Variants in PAPPA observed in about 807,000 individuals in gnomAD.
PAPPA encodes pappalysin-1.
PAPPA carries 60 observed loss-of-function variants against 164.0 expected under a neutral mutation model. The observed-to-expected ratio is 0.37, with a 90% CI of 0.30 to 0.45. The LOEUF is 0.45. Ranked by LOEUF, PAPPA falls within the 20% of genes least tolerant of loss-of-function variation. PAPPA has a pLI of 1.00. For synonymous variants in PAPPA, 875 were observed against 814.1 expected (o/e 1.07, Z -1.27); for missense variants, 1,782 against 2,087.3 (o/e 0.85, Z 2.85).
chr9:116,213,849 G>A (rs1018085932), intron 4 of PAPPA, among the ~76,000 whole-genome samples: 5 of 152,140 alleles, frequency 3.3e-5, no homozygotes, highest in Non-Finnish European at 7.3e-5. Flanking sequence ...TTTTCCTTGG[G>A]ATTTCTGATA....
intron 21 of PAPPA, among the ~76,000 whole-genome samples, chr9:116,383,986 C>T (rs959468973): frequency 6.6e-6 from 1 of 151,972 alleles, no homozygotes; most frequent in African/African-American, 2.4e-5. Context: ...AAAACCACTG[C>T]TTTTTATTTT....
chr9:116,207,337 T>G, intron 2 of PAPPA, 119 bp from the exon 3 acceptor site: 1 of 674,184 alleles, frequency 1.5e-6, no homozygotes, highest in East Asian at 2.7e-5. Context: ...TTCAATAAGG[T>G]AGTATTTTTA....
intron 18 of PAPPA, among the ~76,000 whole-genome samples, chr9:116,364,937 G>C (rs528930794): frequency 2.0e-5 from 3 of 152,314 alleles, no homozygotes; most frequent in Non-Finnish European, 4.4e-5. Context: ...CAGGGCAGAT[G>C]ATGAGTGCAT....
intron 10 of PAPPA, among the ~76,000 whole-genome samples, chr9:116,322,914 G>A (rs572749775): frequency 5.3e-5 from 8 of 152,158 alleles, no homozygotes; most frequent in East Asian, 1.9e-4. Flanking sequence ...AGGCTCATTC[G>A]CAGGTCCCTT....
chr9:116,384,131 C>T (rs1042666513), intron 21 of PAPPA, among the ~76,000 whole-genome samples: 1 of 151,978 alleles, frequency 6.6e-6, no homozygotes, highest in Admixed American at 6.6e-5. Flanking sequence ...ATCTTAGACA[C>T]AAGAATTACT....
chr9:116,272,562 C>G (rs143400831), intron 9 of PAPPA, among the ~76,000 whole-genome samples: 1 of 152,312 alleles, frequency 6.6e-6, no homozygotes, highest in East Asian at 1.9e-4. Context: ...ATTTGTTGAG[C>G]ACCTACTATC....
intron 5 of PAPPA, among the ~76,000 whole-genome samples, chr9:116,225,590 T>G (rs1844496567): frequency 6.6e-6 from 1 of 152,228 alleles, no homozygotes. Flanking sequence ...TATTTATAAA[T>G]ATTTCTGCAA....
chr9:116,175,462 C>T (rs191472233), intron 1 of PAPPA, among the ~76,000 whole-genome samples: 24 of 152,204 alleles, frequency 1.6e-4, no homozygotes, highest in East Asian at 9.6e-4. Context: ...ATAATGTATA[C>T]GTATTTCATA....
chr9:116,330,968 A>G (rs997010051), intron 10 of PAPPA, among the ~76,000 whole-genome samples: 2 of 152,078 alleles, frequency 1.3e-5, no homozygotes, highest in African/African-American at 4.8e-5. Flanking sequence ...CCAGGCCCAA[A>G]TCAAATAACA....
At chr9:116,342,320 G>GTAC (rs1421857537) in intron 13 of PAPPA, among the ~76,000 whole-genome samples, 2 of 152,180 alleles carry the variant, frequency 1.3e-5, no homozygotes, top group Non-Finnish European at 2.9e-5. Flanking sequence ...TCTCCACATG[G>GTAC]TACAATGCTG....
intron 10 of PAPPA, among the ~76,000 whole-genome samples, chr9:116,309,448 A>T (rs1845687890): frequency 6.6e-6 from 1 of 152,154 alleles, no homozygotes; most frequent in Non-Finnish European, 1.5e-5. Flanking sequence ...TGTCTTCTTC[A>T]TCCTTGTCTC....
intron 9 of PAPPA, among the ~76,000 whole-genome samples, chr9:116,283,371 G>A (rs1309527654): frequency 6.6e-6 from 1 of 152,204 alleles, no homozygotes; most frequent in African/African-American, 2.4e-5. Flanking sequence ...GATAAGACCA[G>A]GTTTGACACT....
intron 2 of PAPPA, among the ~76,000 whole-genome samples, chr9:116,202,527 G>A (rs960626598): frequency 6.6e-6 from 1 of 152,140 alleles, no homozygotes; most frequent in Admixed American, 6.5e-5. Flanking sequence ...CATTCCAGGG[G>A]ACCCGCAATC....
chr9:116,378,288 G>A (rs1021830275), intron 20 of PAPPA, among the ~76,000 whole-genome samples: 2 of 152,176 alleles, frequency 1.3e-5, no homozygotes, highest in African/African-American at 4.8e-5. Context: ...AGCTTGGGAG[G>A]ACTCAAGGAG....
At chr9:116,201,950 C>A (rs1016658649) in intron 2 of PAPPA, among the ~76,000 whole-genome samples, 1 of 152,154 alleles carries the variant, frequency 6.6e-6, no homozygotes, top group Admixed American at 6.5e-5. Flanking sequence ...TGTGACCAGC[C>A]GCACCCATCA....
chr9:116,237,346 G>A (rs1844680621), intron 7 of PAPPA, among the ~76,000 whole-genome samples: 1 of 152,154 alleles, frequency 6.6e-6, no homozygotes, highest in Non-Finnish European at 1.5e-5. Flanking sequence ...CCATAACCCT[G>A]TCTCTTCCAT....
At chr9:116,311,156 T>TA (rs1205243319) in intron 10 of PAPPA, among the ~76,000 whole-genome samples, 2 of 151,154 alleles carry the variant, frequency 1.3e-5, no homozygotes, top group African/African-American at 4.8e-5. Flanking sequence ...TTCACTTAAT[T>TA]AAGACTTGGT....
intron 7 of PAPPA, among the ~76,000 whole-genome samples, chr9:116,262,239 AC>A (rs1262271484): frequency 6.6e-6 from 1 of 151,770 alleles, no homozygotes; most frequent in African/African-American, 2.4e-5. Flanking sequence ...CCACAGAACA[AC>A]CCTTCAAAAT....
At chr9:116,256,797 A>G (rs1325529461) in intron 7 of PAPPA, among the ~76,000 whole-genome samples, 7 of 152,040 alleles carry the variant, frequency 4.6e-5, no homozygotes, top group Non-Finnish European at 1.5e-5. Flanking sequence ...CAAGCAAACT[A>G]AAATATAGTA....
Sources: allele counts gnomAD v4.1 joint callset (sites outside exome capture counted in the v4.1 genomes callset), GRCh38; gene constraint gnomAD v4.1.1; transcripts MANE v1.5; gene names NCBI Gene and HGNC (gene_info 2026-07-23, HGNC 2026-07-21).